ADAMTS19: variants seen among roughly 807,000 people sequenced by gnomAD.
ADAMTS19 encodes ADAM metallopeptidase with thrombospondin type 1 motif 19, also known as A disintegrin and metalloproteinase with thrombospondin motifs 19.
Under a neutral mutation model 153.3 loss-of-function variants are expected in ADAMTS19, and 93 were observed. The observed-to-expected ratio is 0.61, with a 90% confidence interval of 0.51 to 0.72. ADAMTS19 has a LOEUF of 0.72. Among genes scored for constraint, ADAMTS19 ranks in the 30% least tolerant of loss-of-function variants. ADAMTS19 has a pLI of 0.00. For missense variants in ADAMTS19, 1,482 were observed against 1,552.1 expected (o/e 0.95, Z 0.76); for synonymous variants, 600 against 556.6 (o/e 1.08, Z -1.10).
At chr5:129,647,214 G>GAAAAAAAAAAAAAA (rs34958335) in intron 11 of ADAMTS19, among the ~76,000 whole-genome samples, 4 of 102,306 alleles carry the variant, frequency 3.9e-5, no homozygotes, top group African/African-American at 6.9e-5. Flanking sequence ...AATTCTTTCA[G>GAAAAAAAAAAAAAA]AAAAAAAAAA....
intron 2 of ADAMTS19, among the ~76,000 whole-genome samples, chr5:129,498,224 A>T (rs545324660): frequency 6.3e-4 from 96 of 152,170 alleles, no homozygotes; most frequent in African/African-American, 2.2e-3. Flanking sequence ...GCCTCCCAAC[A>T]AGTCTTGTGT....
Position 129,685,357 on chromosome 5 carries a change from AG to A in ADAMTS19, c.2818+1085del, listed in dbSNP as rs548294514. On this transcript the variant is annotated intron_variant, in intron 18 of 22. Transcript: ENST00000274487. ...ATAAGCAAAGCCTATTGAAATGAGT[AG>A]CCAACAACATAGCAGGAAAAAAAAA... 2.5e-3 allele frequency among the ~76,000 whole-genome samples: 374 copies of A among 152,166 alleles called. 3 individuals are homozygous for A. Among genetic ancestry groups the A allele is most frequent in the African/African-American group, 8.6e-3 (357 of 41,538 alleles).
At chr5:129,700,946 T>G (rs2127159737) in intron 19 of ADAMTS19, among the ~76,000 whole-genome samples, 1 of 152,012 alleles carries the variant, frequency 6.6e-6, no homozygotes, top group African/African-American at 2.4e-5. Flanking sequence ...TTCTGCTAAC[T>G]CTAGACGTGT....
chr5:129,678,816 C>A (rs1581218112), intron 16 of ADAMTS19, among the ~76,000 whole-genome samples: 1 of 152,158 alleles, frequency 6.6e-6, no homozygotes, highest in East Asian at 1.9e-4. Flanking sequence ...ACTTGGAAAT[C>A]TTCAAACATC....
At chr5:129,543,632 T>C (rs970630057) in intron 6 of ADAMTS19, among the ~76,000 whole-genome samples, 1 of 151,938 alleles carries the variant, frequency 6.6e-6, no homozygotes, top group Non-Finnish European at 1.5e-5. Flanking sequence ...CAAACAGAGG[T>C]AGGGGAAACA....
intron 16 of ADAMTS19, among the ~76,000 whole-genome samples, chr5:129,671,555 C>G (rs989585540): frequency 2.3e-4 from 35 of 152,128 alleles, no homozygotes; most frequent in Non-Finnish European, 4.1e-4. Flanking sequence ...GAAAATAGAA[C>G]CTTGGCAAAC....
intron 9 of ADAMTS19, 55 bp from the exon 10 acceptor site, chr5:129,622,143 C>T (rs1489578195): frequency 6.3e-7 from 1 of 1,580,930 alleles, no homozygotes; most frequent in East Asian, 2.2e-5. Flanking sequence ...GCTAACCAAT[C>T]ATATCAGCTT....
chr5:129,625,665 C>G (rs1405879927), intron 10 of ADAMTS19, among the ~76,000 whole-genome samples: 1 of 152,054 alleles, frequency 6.6e-6, no homozygotes, highest in Admixed American at 6.5e-5. Context: ...CTGGTCATAT[C>G]CTTTGCCCAC....
Position 129,586,478 on chromosome 5 carries a change from T to C in ADAMTS19, c.1373-10081T>C, listed in dbSNP as rs565868049. 2.6e-5 allele frequency among the ~76,000 whole-genome samples: 4 copies of C among 152,344 alleles called. No homozygotes were observed. The South Asian group carries it at 8.3e-4, about 32-fold the overall frequency. The stretch of plus-strand genomic sequence containing the variant: ...TCACTTAGTAATGTGTATTTAAGTT[T>C]CCTCCATCTCTTTCCATGGCTTGAT... On this transcript the variant is annotated intron_variant, in intron 7 of 22. Coordinates refer to ENST00000274487, the MANE Select transcript of ADAMTS19 (RefSeq NM_133638.6).
At chr5:129,688,967 T>C (rs1755211380) in intron 18 of ADAMTS19, among the ~76,000 whole-genome samples, 1 of 152,190 alleles carries the variant, frequency 6.6e-6, no homozygotes, top group Non-Finnish European at 1.5e-5. Flanking sequence ...TAAGTGATCT[T>C]AGTCTCCAGA....
At chr5:129,608,858 A>C (rs1170309564) in intron 8 of ADAMTS19, among the ~76,000 whole-genome samples, 1 of 144,028 alleles carries the variant, frequency 6.9e-6, no homozygotes, top group Non-Finnish European at 1.5e-5. Flanking sequence ...AAAAAAAAAG[A>C]AAAAAAAAAA....
Position 129,641,821 on chromosome 5 carries a change from T to A in ADAMTS19, c.1771-38T>A, listed in dbSNP as rs778316836. The A allele has an allele frequency of 2.2e-6, 3 of 1,358,510 alleles. No homozygotes were observed. The South Asian group carries it at 4.0e-5, about 18-fold the overall frequency. The allele number at this position is 1,358,510 out of a possible 1,614,324, so 84.2% of individuals were successfully genotyped here. A position where few individuals can be genotyped will look rare whatever the true frequency, so the allele number is the denominator to read the frequency against. ...ATTGGCTTCACTTAAAAAAATGTGA[T>A]ACCTTCCCCTTATTAGTTATTGTGC... On this transcript the variant is annotated intron_variant, in intron 10 of 22. Transcript: ENST00000274487.
intron 6 of ADAMTS19, among the ~76,000 whole-genome samples, chr5:129,534,376 A>G (rs1211848854): frequency 6.6e-6 from 1 of 152,326 alleles, no homozygotes; most frequent in Non-Finnish European, 1.5e-5. Flanking sequence ...TAAACCAGGA[A>G]GAAGTTGAAT....
intron 7 of ADAMTS19, among the ~76,000 whole-genome samples, chr5:129,595,172 A>T (rs780710222): frequency 1.4e-4 from 22 of 152,154 alleles, no homozygotes; most frequent in Non-Finnish European, 2.9e-4. Context: ...CCAGGCCTTG[A>T]CATTCTGCGT....
rs1271973305 is a variant in ADAMTS19, at chr5:129,461,081, T to A, written c.92-21T>A. ...AACCGCGGCACTTTAAGCCCCGCAC[T>A]TCTGTCTGCCCCGCCCGCAGAGCTG... On this transcript the variant is annotated intron_variant, in intron 1 of 22. Coordinates refer to ENST00000274487, the MANE Select transcript of ADAMTS19 (RefSeq NM_133638.6). This position sits in a 1 kb window ranked among gnomAD's most constrained non-coding sequence, Gnocchi z 4.6. The A allele has an allele frequency of 7.3e-7, 1 of 1,373,246 alleles. No homozygotes were observed. The highest frequency in any genetic ancestry group is 9.4e-7 in the Non-Finnish European group (1 of 1,065,776). The allele number at this position is 1,373,246 out of a possible 1,614,324, so 85.1% of individuals were successfully genotyped here. A position where few individuals can be genotyped will look rare whatever the true frequency, so the allele number is the denominator to read the frequency against.
intron 21 of ADAMTS19, among the ~76,000 whole-genome samples, chr5:129,713,967 T>C (rs1210614631): frequency 6.6e-6 from 1 of 152,062 alleles, no homozygotes; most frequent in African/African-American, 2.4e-5. Context: ...TTGTAAAATG[T>C]ACCAAAGTAA....
chr5:129,635,095 A>G (rs1581169398), intron 10 of ADAMTS19, among the ~76,000 whole-genome samples: 1 of 152,190 alleles, frequency 6.6e-6, no homozygotes, highest in Non-Finnish European at 1.5e-5. Context: ...CAACCCCAAT[A>G]AAAGGTGGGC....
At chr5:129,564,487 G>A (rs1452029150) in intron 7 of ADAMTS19, among the ~76,000 whole-genome samples, 2 of 152,178 alleles carry the variant, frequency 1.3e-5, no homozygotes, top group East Asian at 3.8e-4. Flanking sequence ...GGTGAGGACA[G>A]AATAAGAAGG....
chr5:129,628,646 A>G (rs1265175062), intron 10 of ADAMTS19, among the ~76,000 whole-genome samples: 1 of 152,070 alleles, frequency 6.6e-6, no homozygotes, highest in Non-Finnish European at 1.5e-5. Flanking sequence ...ACTGTAGAAG[A>G]CTGAAAATAG....
Sources: gnomAD v4.1 joint callset for allele counts (sites outside exome capture counted in the v4.1 genomes callset) on GRCh38, gnomAD v4.1.1 for gene constraint, Gnocchi (gnomAD v3.1) non-coding constraint, MANE v1.5 for transcripts, NCBI Gene and HGNC (gene_info 2026-07-23, HGNC 2026-07-21) for gene names.